DIP2B: variants seen among roughly 807,000 people sequenced by gnomAD.
DIP2B encodes the protein DIP2 acetate--CoA ligase B (putative), also known as disco-interacting protein 2 homolog B.
In DIP2B, 76 loss-of-function variants were observed where a neutral mutation model predicts 198.0. That is an observed-to-expected ratio of 0.38 (90% CI 0.32 to 0.46). The LOEUF (loss-of-function observed/expected upper bound fraction) is 0.46. Ranked by LOEUF, DIP2B falls within the 20% of genes least tolerant of loss-of-function variation. The pLI is 0.99. For missense variants in DIP2B, 1,559 were observed against 1,978.4 expected (o/e 0.79, Z 4.02); for synonymous variants, 701 against 739.1 (o/e 0.95, Z 0.84).
intron 12 of DIP2B, chr12:50,686,891 G>C: frequency 2.6e-6 from 1 of 385,444 alleles, no homozygotes; most frequent in South Asian, 8.3e-5. Context: ...GAGAATGACG[G>C]CAAAAAAAAA....
At chr12:50,584,003 A>G (rs535932401) in intron 1 of DIP2B, among the ~76,000 whole-genome samples, 3 of 152,314 alleles carry the variant, frequency 2.0e-5, no homozygotes, top group East Asian at 1.9e-4. Flanking sequence ...TCACAGACCT[A>G]TTCTCATTCC....
In DIP2B at chr12:50,714,472, A is replaced by G. The variant is rs761185501; in HGVS notation, c.2727A>G (p.Leu909=). The part of the protein sequence containing the change: ...VPANTLPKTP[L]GGIHISQTKQ... The stretch of plus-strand genomic sequence containing the variant: ...CCAATACATTGCCAAAAACTCCACT[A>G]GGAGGAATCCATATATCTCAGACGA... The change falls in exon 23 of 38, where the codon CTA becomes CTG. Residue 909 remains leucine, a synonymous_variant. Coordinates refer to ENST00000301180, the MANE Select transcript of DIP2B (RefSeq NM_173602.3). 4.3e-6 allele frequency: 7 copies of G among 1,614,106 alleles called. No homozygotes were observed. The highest frequency in any genetic ancestry group is 2.7e-5 in the African/African-American group (2 of 74,934).
chr12:50,638,195 A>G (rs1938192810), intron 2 of DIP2B, among the ~76,000 whole-genome samples: 2 of 152,290 alleles, frequency 1.3e-5, no homozygotes, highest in South Asian at 4.1e-4. Context: ...TTTGTGCTAG[A>G]ATTTAGAAGT....
intron 1 of DIP2B, among the ~76,000 whole-genome samples, chr12:50,574,179 A>C (rs1162072543): frequency 2.4e-4 from 36 of 152,368 alleles, no homozygotes; most frequent in Non-Finnish European, 1.5e-5. Flanking sequence ...ACCTTTAAAA[A>C]AAATCTTGAA....
chr12:50,532,735 G>T (rs1339336376), intron 1 of DIP2B, among the ~76,000 whole-genome samples: 1 of 152,134 alleles, frequency 6.6e-6, no homozygotes, highest in African/African-American at 2.4e-5. Flanking sequence ...GGAATGTAGG[G>T]TGTGGTTTGA....
chr12:50,520,257 C>G (rs1488794948), intron 1 of DIP2B, among the ~76,000 whole-genome samples: 1 of 152,086 alleles, frequency 6.6e-6, no homozygotes, highest in South Asian at 2.1e-4. Context: ...AGGCTGGTCT[C>G]AAACTCGTGA....
intron 9 of DIP2B, 81 bp from the exon 10 acceptor site, chr12:50,683,057 A>G: frequency 8.6e-7 from 1 of 1,164,694 alleles, no homozygotes; most frequent in Non-Finnish European, 1.2e-6. Flanking sequence ...CATGATAAAT[A>G]TTACATACTT....
intron 1 of DIP2B, among the ~76,000 whole-genome samples, chr12:50,551,865 C>T (rs1958430032): frequency 6.6e-6 from 1 of 152,204 alleles, no homozygotes; most frequent in Non-Finnish European, 1.5e-5. Context: ...AATAGTACTA[C>T]TATAAATGTG....
chr12:50,585,258 G>T (rs747255334), intron 1 of DIP2B, among the ~76,000 whole-genome samples: 6 of 152,242 alleles, frequency 3.9e-5, no homozygotes, highest in Non-Finnish European at 8.8e-5. Context: ...TCTGTGCCCA[G>T]CACTGTTCCA....
chr12:50,694,656 T>TTC (rs1321995481), intron 14 of DIP2B, among the ~76,000 whole-genome samples: 1 of 148,628 alleles, frequency 6.7e-6, no homozygotes, highest in Non-Finnish European at 1.5e-5. Flanking sequence ...CCCTGTCTCT[T>TTC]TTTTTTTTTT....
chr12:50,584,264 A>G (rs1301761787), intron 1 of DIP2B, among the ~76,000 whole-genome samples: 1 of 152,136 alleles, frequency 6.6e-6, no homozygotes, highest in Non-Finnish European at 1.5e-5. Flanking sequence ...TTTTCCCCCT[A>G]GTCCTTTTTC....
intron 9 of DIP2B, among the ~76,000 whole-genome samples, chr12:50,682,169 T>A (rs773911240): frequency 3.9e-5 from 6 of 152,348 alleles, no homozygotes; most frequent in Non-Finnish European, 8.8e-5. Flanking sequence ...GATCACAGGT[T>A]TGAACTTACT....
intron 35 of DIP2B, among the ~76,000 whole-genome samples, chr12:50,738,461 A>G (rs1017789474): frequency 5.9e-5 from 9 of 152,100 alleles, no homozygotes; most frequent in African/African-American, 2.2e-4. Flanking sequence ...TGGGCAACAT[A>G]GCAAAGACCC....
intron 1 of DIP2B, among the ~76,000 whole-genome samples, chr12:50,519,901 T>G (rs1456972874): frequency 6.6e-6 from 1 of 151,800 alleles, no homozygotes; most frequent in Non-Finnish European, 1.5e-5. Flanking sequence ...TCTGCAAGAT[T>G]TTTTTTTCTT....
chr12:50,654,087 T>A (rs935649383), intron 3 of DIP2B, among the ~76,000 whole-genome samples: 1 of 152,072 alleles, frequency 6.6e-6, no homozygotes, highest in Non-Finnish European at 1.5e-5. Flanking sequence ...TTGGCCAGGC[T>A]GTTCTGGAAC....
chr12:50,656,494 A>G (rs1938556133), intron 3 of DIP2B, among the ~76,000 whole-genome samples: 2 of 152,246 alleles, frequency 1.3e-5, no homozygotes, highest in Non-Finnish European at 1.5e-5. Flanking sequence ...TGATAGTAAC[A>G]GAATAGTCAT....
chr12:50,557,099 C>G (rs1404603530), intron 1 of DIP2B, among the ~76,000 whole-genome samples: 2 of 152,032 alleles, frequency 1.3e-5, no homozygotes, highest in Non-Finnish European at 2.9e-5. Flanking sequence ...TGCCTGCCTC[C>G]GCTTCCCAAA....
chr12:50,564,917 C>T (rs1057042469), intron 1 of DIP2B, among the ~76,000 whole-genome samples: 1 of 152,164 alleles, frequency 6.6e-6, no homozygotes, highest in African/African-American at 2.4e-5. Flanking sequence ...CTGAGTCCAT[C>T]ATTATATATG....
chr12:50,615,361 T>C (rs1020617806), intron 1 of DIP2B, among the ~76,000 whole-genome samples: 3 of 152,124 alleles, frequency 2.0e-5, no homozygotes, highest in African/African-American at 7.2e-5. Context: ...CATTTACATA[T>C]ATGCATTTTA....
Sources: gnomAD v4.1 joint callset for allele counts (sites outside exome capture counted in the v4.1 genomes callset) on GRCh38, gnomAD v4.1.1 for gene constraint, MANE v1.5 for transcripts, NCBI Gene and HGNC (gene_info 2026-07-23, HGNC 2026-07-21) for gene names.